Variants in CERS3 observed in about 807,000 individuals in gnomAD.
CERS3 encodes ceramide synthase 3.
Under a neutral mutation model 50.3 loss-of-function variants are expected in CERS3, and 33 were observed. That is an observed-to-expected ratio of 0.66 (90% CI 0.50 to 0.88). The LOEUF (loss-of-function observed/expected upper bound fraction) is 0.88, where lower values mean the gene tolerates loss of function less well. Among genes scored for constraint, CERS3 ranks in the 40% least tolerant of loss-of-function variants. The pLI, the probability that CERS3 is intolerant of heterozygous loss-of-function variation, is 0.00. For missense variants in CERS3, 470 were observed against 460.3 expected, an observed-to-expected ratio of 1.02 and a Z score of -0.19; for synonymous variants, 176 against 155.2, an observed-to-expected ratio of 1.13 and a Z score of -0.99.
chr15:100,544,455 C>T (rs2142450614), intron 1 of CERS3: 1 of 141,338 alleles, frequency 7.1e-6, no homozygotes, highest in Middle Eastern at 3.6e-3. Flanking sequence ...CCTCTCTCGG[C>T]CTAGGTCTGC....
intron 11 of CERS3, among the ~76,000 whole-genome samples, chr15:100,431,311 AT>A (rs2033120481): frequency 6.6e-6 from 1 of 152,176 alleles, no homozygotes; most frequent in African/African-American, 2.4e-5. Context: ...ACTTTATATA[AT>A]AAATGGTTCT....
At chr15:100,444,039 G>T (rs889057801) in intron 11 of CERS3, among the ~76,000 whole-genome samples, 5 of 152,118 alleles carry the variant, frequency 3.3e-5, no homozygotes, top group African/African-American at 1.2e-4. Flanking sequence ...CAGCTGAAGT[G>T]CAGGGCTGTG....
chr15:100,520,578 T>C, intron 2 of CERS3, among the ~76,000 whole-genome samples: 1 of 152,168 alleles, frequency 6.6e-6, no homozygotes, highest in South Asian at 2.1e-4. Context: ...GCTTCCTCCT[T>C]CTCTTCCTCC....
intron 11 of CERS3, among the ~76,000 whole-genome samples, chr15:100,446,197 C>CA (rs1192481113): frequency 6.6e-6 from 1 of 152,152 alleles, no homozygotes; most frequent in Non-Finnish European, 1.5e-5. Flanking sequence ...CACAGACGTG[C>CA]ATGAAAACAA....
At chr15:100,458,315 T>C (rs1206857600) in intron 10 of CERS3, among the ~76,000 whole-genome samples, 1 of 152,212 alleles carries the variant, frequency 6.6e-6, no homozygotes, top group Non-Finnish European at 1.5e-5. Flanking sequence ...CCAGGTGCAG[T>C]GGCTCATGCC....
chr15:100,532,547 C>T (rs2036962919), upstream of CERS3, among the ~76,000 whole-genome samples: 1 of 151,976 alleles, frequency 6.6e-6, no homozygotes, highest in East Asian at 1.9e-4. Context: ...AGGAGGATTG[C>T]TTGCGTCCAA....
chr15:100,484,825 T>C (rs77655499), intron 4 of CERS3, among the ~76,000 whole-genome samples, 157 bp from the exon 5 acceptor site: 2,298 of 152,324 alleles, frequency 0.015, 58 homozygotes, highest in African/African-American at 0.052. Flanking sequence ...CTTTTGCTTA[T>C]GGAATCACAT....
chr15:100,413,836 A>G (rs1489124457), intron 11 of CERS3, among the ~76,000 whole-genome samples: 2 of 150,396 alleles, frequency 1.3e-5, no homozygotes, highest in African/African-American at 4.9e-5. Flanking sequence ...TAGAAAACCT[A>G]GAAGAAATGG....
At chr15:100,423,082 A>T (rs1013556877) in intron 11 of CERS3, among the ~76,000 whole-genome samples, 1 of 122,998 alleles carries the variant, frequency 8.1e-6, no homozygotes, top group African/African-American at 3.1e-5. Context: ...AACTTAAAGT[A>T]TAATAAAAAA....
chr15:100,483,892 T>G (rs894177800), intron 5 of CERS3, among the ~76,000 whole-genome samples: 1 of 149,924 alleles, frequency 6.7e-6, no homozygotes, highest in Non-Finnish European at 1.5e-5. Flanking sequence ...GCCATTCTCC[T>G]GCCTCAGCCT....
chr15:100,469,241 C>A, intron 10 of CERS3, 137 bp downstream of exon 10: 1 of 634,498 alleles, frequency 1.6e-6, no homozygotes, highest in South Asian at 2.2e-5. Flanking sequence ...GGCTCCATCA[C>A]ATTCTTTTCT....
At chr15:100,488,979 G>A (rs1275722054) in intron 4 of CERS3, among the ~76,000 whole-genome samples, 2 of 152,128 alleles carry the variant, frequency 1.3e-5, no homozygotes, top group African/African-American at 4.8e-5. Context: ...GTTTCACCAT[G>A]TTGGCCAGGA....
chr15:100,518,795 C>G (rs935306596), intron 2 of CERS3, among the ~76,000 whole-genome samples: 1 of 152,196 alleles, frequency 6.6e-6, no homozygotes, highest in Non-Finnish European at 1.5e-5. Flanking sequence ...TATTGATCTT[C>G]ATTTGGGGTC....
At chr15:100,535,116 GTCC>G (rs1471007985) in intron 1 of CERS3, among the ~76,000 whole-genome samples, 1 of 152,188 alleles carries the variant, frequency 6.6e-6, no homozygotes, top group East Asian at 1.9e-4. Context: ...ATGCAAGTGT[GTCC>G]TCAACTTTGA....
chr15:100,463,685 C>T (rs1234107510), intron 10 of CERS3, among the ~76,000 whole-genome samples: 2 of 152,142 alleles, frequency 1.3e-5, no homozygotes, highest in Non-Finnish European at 2.9e-5. Flanking sequence ...TAGTCTCCTT[C>T]ATCAGGTGTG....
chr15:100,450,962 T>C (rs528049851), intron 11 of CERS3, among the ~76,000 whole-genome samples: 1 of 152,276 alleles, frequency 6.6e-6, no homozygotes, highest in African/African-American at 2.4e-5. Context: ...AACTTATCTT[T>C]TATAAATGTA....
chr15:100,427,088 G>A (rs147110906), intron 11 of CERS3, among the ~76,000 whole-genome samples: 188 of 152,278 alleles, frequency 1.2e-3, no homozygotes, highest in Middle Eastern at 6.8e-3. Flanking sequence ...CAGGGTAAGG[G>A]AACACAGTAG....
chr15:100,537,328 G>A (rs759701353), intron 1 of CERS3, among the ~76,000 whole-genome samples: 1 of 152,254 alleles, frequency 6.6e-6, no homozygotes, highest in Non-Finnish European at 1.5e-5. Context: ...GAGGGCATTA[G>A]AGAAATGTAG....
intron 11 of CERS3, among the ~76,000 whole-genome samples, chr15:100,438,317 T>A (rs1472374576): frequency 6.6e-6 from 1 of 152,166 alleles, no homozygotes; most frequent in Admixed American, 6.6e-5. Flanking sequence ...AGTGCTAGGA[T>A]TCCAGTCATA....
Sources: gnomAD v4.1 joint callset for allele counts (sites outside exome capture counted in the v4.1 genomes callset) on GRCh38, gnomAD v4.1.1 for gene constraint, MANE v1.5 for transcripts, NCBI Gene and HGNC (gene_info 2026-07-23, HGNC 2026-07-21) for gene names.